ADCY9: variants seen among roughly 807,000 people sequenced by gnomAD.
ADCY9 encodes adenylate cyclase 9.
In ADCY9, 50 loss-of-function variants were observed where a neutral mutation model predicts 101.5. The ratio of observed to expected loss-of-function variants is 0.49; its 90% confidence interval spans 0.39 to 0.62. The LOEUF (loss-of-function observed/expected upper bound fraction) is 0.62. Ranked by LOEUF, ADCY9 falls within the 20% of genes least tolerant of loss-of-function variation. The pLI is 0.00. For synonymous variants in ADCY9, 905 were observed against 769.3 expected (o/e 1.18, Z -2.92); for missense variants, 1,662 against 1,800.4 (o/e 0.92, Z 1.39).
chr16:4,101,577 C>T (rs1316403352), intron 2 of ADCY9, among the ~76,000 whole-genome samples: 3 of 152,184 alleles, frequency 2.0e-5, no homozygotes, highest in African/African-American at 2.4e-5. Flanking sequence ...TGCACCTGGC[C>T]TGTACAGATT....
Position 4,115,047 on chromosome 16 carries a change from G to C in ADCY9, c.396C>G (p.Ile132Met), listed in dbSNP as rs1393106457. The change falls in exon 2 of 11, where the codon ATC becomes ATG. Residue 132 changes from isoleucine to methionine, a missense_variant. Around this residue, in one of 5 missense-constraint regions of ADCY9, gnomAD observed 422 missense variants for 392.0 expected, o/e 1.08. Coordinates refer to ENST00000294016, the MANE Select transcript of ADCY9 (RefSeq NM_001116.4). The surrounding 1 kb of genome is among the most constrained non-coding windows in gnomAD (Gnocchi z 6.2). ...TGGATCTCATGTGGACCGCAAAATA[G>C]ATGCTCCACAGAAGGCAGGCGAAGC... ...YIGFACLLWS[I>M]YFAVHMRSRL... The C allele has an allele frequency of 6.2e-7, 1 of 1,614,130 alleles. No individual in the cohort carries two copies. The highest frequency in any genetic ancestry group is 1.7e-5 in the Admixed American group (1 of 60,034).
rs1597238418 is a variant in ADCY9 at position 4,115,787 on chromosome 16, C to G, written c.-141G>C. On this transcript the variant is annotated 5_prime_UTR_variant, in exon 1 of 11. Transcript: ENST00000294016. This position sits in a 1 kb window ranked among gnomAD's most constrained non-coding sequence, Gnocchi z 6.2. ...CCTCTCGCCCCGAGGGTGGCCTCCG[C>G]GCCGCGCGGCTTCTCCTCCTCGCGC... 5.0e-6 allele frequency: 2 copies of G among 401,142 alleles called. No homozygotes were observed. Among genetic ancestry groups the G allele is most frequent in the Non-Finnish European group, 8.8e-6 (2 of 227,946 alleles). 24.8% of individuals were successfully genotyped at this position (401,142 alleles called of 1,614,324 possible).
intron 7 of ADCY9, chr16:3,982,885 A>G (rs1233353060): frequency 6.9e-6 from 2 of 289,426 alleles, no homozygotes; most frequent in Non-Finnish European, 1.3e-5. Context: ...TCCCAGGCCC[A>G]CTACCCCCGC....
intron 2 of ADCY9, among the ~76,000 whole-genome samples, chr16:4,033,849 C>T (rs2056572396): frequency 6.6e-6 from 1 of 152,140 alleles, no homozygotes; most frequent in African/African-American, 2.4e-5. Flanking sequence ...CAGATTATGG[C>T]AACATCAGTG....
Position 3,963,358 on chromosome 16 carries a change from C to A in ADCY9, c.*2417G>T. The A allele has an allele frequency of 2.5e-6, 1 of 398,892 alleles. No individual in the cohort carries two copies. Among genetic ancestry groups the A allele is most frequent in the East Asian group, 3.6e-5 (1 of 28,060 alleles). 24.7% of individuals were successfully genotyped at this position (398,892 alleles called of 1,614,324 possible). ...GCACGATGTGCTCGCTGCCAACAGA[C>A]AAGAGATGCACGGCGTTTCCGCTGC... On this transcript the variant is annotated 3_prime_UTR_variant, in exon 11 of 11. Transcript: ENST00000294016.
intron 2 of ADCY9, among the ~76,000 whole-genome samples, chr16:4,033,929 T>G (rs2056572929): frequency 6.6e-6 from 1 of 152,344 alleles, no homozygotes; most frequent in Non-Finnish European, 1.5e-5. Context: ...TGGCACATAT[T>G]AGCACCGATG....
At chr16:4,031,816 G>A (rs1456277127) in intron 2 of ADCY9, among the ~76,000 whole-genome samples, 1 of 152,030 alleles carries the variant, frequency 6.6e-6, no homozygotes, top group African/African-American at 2.4e-5. Flanking sequence ...GGTCGAGGCA[G>A]AGGTGAGCCA....
At chr16:4,034,226 G>A (rs2056574996) in intron 2 of ADCY9, among the ~76,000 whole-genome samples, 1 of 152,200 alleles carries the variant, frequency 6.6e-6, no homozygotes, top group African/African-American at 2.4e-5. Context: ...TAGCCAAGGT[G>A]ACGCAAAACG....
Position 4,097,553 on chromosome 16 carries a change from A to ATTTTTT in ADCY9, c.1693+16191_1693+16196dup, listed in dbSNP as rs35732229. Among the ~76,000 whole-genome samples, 235 of 53,370 alleles carry ATTTTTT rather than the reference A, an allele frequency of 4.4e-3. 6 individuals carry two copies. The highest frequency in any genetic ancestry group is 9.5e-3 in the South Asian group (10 of 1,056). 35.0% of individuals were successfully genotyped at this position (53,370 alleles called of 152,430 possible). On this transcript the variant is annotated intron_variant, in intron 2 of 10. Coordinates refer to ENST00000294016, the MANE Select transcript of ADCY9 (RefSeq NM_001116.4). ...CATATATATATATATATATATATAT[A>ATTTTTT]TTTTTTTTTTTTTTTTTTAAGACAG...
At chr16:3,974,734 A>T (rs759457998) in intron 9 of ADCY9, 24 bp from the exon 10 acceptor site, 1 of 1,602,240 alleles carries the variant, frequency 6.2e-7, no homozygotes, top group African/African-American at 1.3e-5. Context: ...GCAGAAAAAT[A>T]TTATCATAAA....
At chr16:3,981,052 C>G (rs559953611) in intron 7 of ADCY9, among the ~76,000 whole-genome samples, 2 of 152,218 alleles carry the variant, frequency 1.3e-5, no homozygotes, top group Non-Finnish European at 2.9e-5. Flanking sequence ...TCCCGTCAAC[C>G]TGGGGTCCTC....
intron 2 of ADCY9, among the ~76,000 whole-genome samples, chr16:4,008,532 C>T (rs1273847695): frequency 6.6e-6 from 1 of 151,172 alleles, no homozygotes; most frequent in South Asian, 2.1e-4. Flanking sequence ...GTGTATGCCA[C>T]ACACCGAGAA....
chr16:4,047,062 T>C (rs890265155), intron 2 of ADCY9, among the ~76,000 whole-genome samples: 3 of 152,112 alleles, frequency 2.0e-5, no homozygotes, highest in Non-Finnish European at 4.4e-5. Flanking sequence ...GATTTGTACA[T>C]AAGGACTGTA....
At chr16:3,987,651 G>A (rs1437067217) in intron 6 of ADCY9, among the ~76,000 whole-genome samples, 1 of 152,222 alleles carries the variant, frequency 6.6e-6, no homozygotes, top group African/African-American at 2.4e-5. Flanking sequence ...CTGTCCCTTG[G>A]AGGCTGACGG....
rs375939076 is a variant in ADCY9 at position 4,047,848 on chromosome 16, C to T, written c.1694-40290G>A. ...TGCTGGGATTACAGGCGTGAGCCAC[C>T]GCATCCGGCCAGAGTGTGTTGTTTT... On this transcript the variant is annotated intron_variant, in intron 2 of 10. Transcript: ENST00000294016. 1.1e-4 allele frequency among the ~76,000 whole-genome samples: 17 copies of T among 152,364 alleles called. No individual in the cohort carries two copies. The East Asian group carries it at 3.1e-3, about 28-fold the overall frequency.
At chr16:4,082,212 CA>C (rs1040256611) in intron 2 of ADCY9, among the ~76,000 whole-genome samples, 2 of 146,616 alleles carry the variant, frequency 1.4e-5, no homozygotes, top group African/African-American at 2.5e-5. Context: ...CCTGTCTCTA[CA>C]AAAAAAAAAT....
chr16:4,060,382 G>A (rs147033696), intron 2 of ADCY9, among the ~76,000 whole-genome samples: 1 of 152,190 alleles, frequency 6.6e-6, no homozygotes, highest in African/African-American at 2.4e-5. Context: ...GCTAAAGTGA[G>A]GCCTACCCCA....
At chr16:4,096,111 A>G (rs1326615952) in intron 2 of ADCY9, among the ~76,000 whole-genome samples, 3 of 152,200 alleles carry the variant, frequency 2.0e-5, no homozygotes, top group African/African-American at 4.8e-5. Flanking sequence ...TATTTAAAGG[A>G]AGTAAAGAAT....
At chr16:4,087,609 G>T (rs1046361756) in intron 2 of ADCY9, among the ~76,000 whole-genome samples, 4 of 151,018 alleles carry the variant, frequency 2.6e-5, no homozygotes, top group African/African-American at 9.7e-5. Context: ...ACTCTGCACA[G>T]TTCAGGGAGG....
Sources: allele counts gnomAD v4.1 joint callset (sites outside exome capture counted in the v4.1 genomes callset), GRCh38; gene constraint gnomAD v4.1.1; regional missense constraint gnomAD v4.1.1; non-coding constraint Gnocchi (gnomAD v3.1); transcripts MANE v1.5; gene names NCBI Gene and HGNC (gene_info 2026-07-23, HGNC 2026-07-21).